The following MYO3B variants were observed in gnomAD, a reference collection of about 807,000 sequenced individuals.
MYO3B encodes the protein myosin-IIIb.
In MYO3B, 156 loss-of-function variants were observed where a neutral mutation model predicts 174.6. The observed-to-expected ratio is 0.89, with a 90% CI of 0.78 to 1.02. MYO3B has a LOEUF of 1.02. Ranked by LOEUF, MYO3B falls within the 50% of genes least tolerant of loss-of-function variation. The pLI is 0.00. For synonymous variants in MYO3B, 563 were observed against 569.1 expected (o/e 0.99, Z 0.15); for missense variants, 1,632 against 1,639.4 (o/e 1.00, Z 0.08).
In MYO3B at chr2:170,498,682, C is replaced by T. The variant is rs1687036220; in HGVS notation, c.3105C>T (p.His1035=). ...TCTTGGAAAAGTCCAGATTAGATCACTGGGTACTGGGAAAAACAAAGGTAG... is the reference window on the plus strand; with the variant it reads ...TCTTGGAAAAGTCCAGATTAGATCATTGGGTACTGGGAAAAACAAAGGTAG... The part of the protein sequence containing the change: ...VAILEKSRLD[H]WVLGKTKVFL... Residue 1035 remains histidine (H), a synonymous_variant, in exon 26 of 35, where the codon CAC becomes CAT. Transcript: ENST00000408978. 6 of 1,610,190 alleles carry T rather than the reference C, an allele frequency of 3.7e-6. No homozygotes were observed. The East Asian group carries it at 1.3e-4, about 36-fold the overall frequency.
chr2:170,211,481 T>C (rs187048102), intron 3 of MYO3B, among the ~76,000 whole-genome samples: 1 of 152,200 alleles, frequency 6.6e-6, no homozygotes, highest in Non-Finnish European at 1.5e-5. Context: ...AAGCCTCACT[T>C]AAGGTTATTA....
In MYO3B at chr2:170,214,371, T is replaced by C. The variant is rs1447344502; in HGVS notation, c.322-8T>C. Reference sequence around the variant, plus strand: ...TGCTCTCCCTGTGTCTGGCACCTCTTCTTGCAGCTGTGTAATGGGGGCTCA... The same window carrying C: ...TGCTCTCCCTGTGTCTGGCACCTCTCCTTGCAGCTGTGTAATGGGGGCTCA... On this transcript the variant is annotated splice_region_variant and splice_polypyrimidine_tract_variant and intron_variant, in intron 3 of 34. Transcript: ENST00000408978. The C allele has an allele frequency of 6.2e-7, 1 of 1,613,108 alleles. No individual in the cohort carries two copies. The highest frequency in any genetic ancestry group is 2.2e-5 in the East Asian group (1 of 44,884).
intron 28 of MYO3B, among the ~76,000 whole-genome samples, chr2:170,502,705 TAG>T (rs374984854): frequency 4.1e-4 from 62 of 152,184 alleles, no homozygotes; most frequent in African/African-American, 1.5e-3. Flanking sequence ...CACAAGAAAT[TAG>T]AGACAGAATG....
intron 5 of MYO3B, among the ~76,000 whole-genome samples, chr2:170,215,724 G>C (rs138923282): frequency 9.6e-4 from 146 of 152,262 alleles, no homozygotes; most frequent in African/African-American, 3.3e-3. Context: ...AAATAGCAGA[G>C]GGAGCATTTT....
chr2:170,640,743 T>G (rs1486795913), intron 32 of MYO3B: 1 of 152,150 alleles, frequency 6.6e-6, no homozygotes, highest in Non-Finnish European at 1.5e-5. Flanking sequence ...ACCCAGAACC[T>G]TCTATAGGAA....
intron 14 of MYO3B, 118 bp from the exon 15 acceptor site, chr2:170,391,402 A>G (rs1257226034): frequency 7.3e-6 from 4 of 551,448 alleles, no homozygotes; most frequent in Non-Finnish European, 1.3e-5. Context: ...ATAATATTTA[A>G]TTGCCTGAAA....
intron 5 of MYO3B, 122 bp downstream of exon 5, chr2:170,214,950 C>A: frequency 3.7e-5 from 25 of 682,866 alleles, no homozygotes; most frequent in South Asian, 5.5e-5. Flanking sequence ...CTTTTCCAGT[C>A]AAACACAAGC....
intron 22 of MYO3B, among the ~76,000 whole-genome samples, chr2:170,422,754 CAGCCACATTTTTTTAATT>C (rs1270682360): frequency 6.6e-6 from 1 of 152,026 alleles, no homozygotes; most frequent in Non-Finnish European, 1.5e-5. Flanking sequence ...CCATACCCAG[CAGCCACATTTTTTTAATT>C]AGCCACATTT....
In MYO3B at chr2:170,200,266, G is replaced by A; in HGVS notation, c.303G>A (p.Gln101=). The change falls in exon 3 of 35, where the codon CAG becomes CAA. Residue 101 remains glutamine (Q), a synonymous_variant. Transcript: ENST00000408978. ...AAGCGGATCACTGTGTAGGGGGACA[G>A]CTGTGGCTGGTCCTGGAGGTAAGAG... ...FYKADHCVGG[Q]LWLVLELCNG... 6.2e-7 allele frequency: 1 copy of A among 1,612,106 alleles called. No individual in the cohort carries two copies. Among genetic ancestry groups the A allele is most frequent in the Non-Finnish European group, 8.5e-7 (1 of 1,179,060 alleles).
In MYO3B at chr2:170,514,949, A is replaced by G. The variant is rs753401956; in HGVS notation, c.3399A>G (p.Pro1133=). 1.2e-6 allele frequency: 2 copies of G among 1,614,018 alleles called. No individual in the cohort carries two copies. Among genetic ancestry groups the G allele is most frequent in the Non-Finnish European group, 1.7e-6 (2 of 1,179,956 alleles). ...ACACTTCAAACCAAAGCAGTGGGCC[A>G]CATTCCCCCGTCGCAGCAGGTACGA... ...AGDTSNQSSG[P]HSPVAAGTRG... Residue 1133 remains proline, a synonymous_variant, in exon 29 of 35, where the codon CCA becomes CCG. Coordinates refer to ENST00000408978, the MANE Select transcript of MYO3B (RefSeq NM_138995.5).
intron 32 of MYO3B, among the ~76,000 whole-genome samples, chr2:170,555,465 T>G (rs1575158676): frequency 6.6e-6 from 1 of 152,196 alleles, no homozygotes; most frequent in East Asian, 1.9e-4. Flanking sequence ...GTTTTTTTAT[T>G]TATTTACTTA....
intron 32 of MYO3B, among the ~76,000 whole-genome samples, chr2:170,551,384 A>ATTTATCTAT (rs1690894682): frequency 6.8e-6 from 1 of 146,170 alleles, no homozygotes; most frequent in Non-Finnish European, 1.5e-5. Flanking sequence ...TTATTTATTT[A>ATTTATCTAT]TTTTTAGGTG....
At chr2:170,636,837 A>T (rs1354153901) in intron 32 of MYO3B, among the ~76,000 whole-genome samples, 2 of 152,036 alleles carry the variant, frequency 1.3e-5, no homozygotes, top group South Asian at 4.2e-4. Context: ...AGGGGTCAAG[A>T]GCTGAGGACC....
intron 3 of MYO3B, among the ~76,000 whole-genome samples, chr2:170,202,694 C>T (rs1426692434): frequency 1.3e-5 from 2 of 152,200 alleles, no homozygotes; most frequent in Non-Finnish European, 2.9e-5. Flanking sequence ...TGACCACACA[C>T]ACAGAGCTGG....
At chr2:170,552,868 TC>T (rs1250227972) in intron 32 of MYO3B, among the ~76,000 whole-genome samples, 1 of 152,142 alleles carries the variant, frequency 6.6e-6, no homozygotes, top group Non-Finnish European at 1.5e-5. Context: ...CTGTGCAGCC[TC>T]AGGACATGGT....
chr2:170,181,726 T>C (rs576178974), intron 1 of MYO3B, among the ~76,000 whole-genome samples: 27 of 152,300 alleles, frequency 1.8e-4, no homozygotes, highest in Admixed American at 5.9e-4. Context: ...TCTGTTAATA[T>C]AAATCTAAGT....
At chr2:170,188,941 G>T (rs2092505388) in intron 1 of MYO3B, among the ~76,000 whole-genome samples, 1 of 152,110 alleles carries the variant, frequency 6.6e-6, no homozygotes, top group Non-Finnish European at 1.5e-5. Context: ...TATTGCCAGT[G>T]AGTTTTGTAC....
intron 32 of MYO3B, among the ~76,000 whole-genome samples, chr2:170,581,046 G>T (rs1341850670): frequency 6.6e-6 from 1 of 152,108 alleles, no homozygotes; most frequent in Non-Finnish European, 1.5e-5. Context: ...TCCCTAGGAA[G>T]GAATTGCTAA....
At chr2:170,385,575 C>G (rs1480169197) in intron 12 of MYO3B, among the ~76,000 whole-genome samples, 1 of 152,046 alleles carries the variant, frequency 6.6e-6, no homozygotes, top group Non-Finnish European at 1.5e-5. Flanking sequence ...ATAAAAATAT[C>G]AACAATACAA....
Sources: allele counts gnomAD v4.1 joint callset (sites outside exome capture counted in the v4.1 genomes callset), GRCh38; gene constraint gnomAD v4.1.1; transcripts MANE v1.5; gene names NCBI Gene and HGNC (gene_info 2026-07-23, HGNC 2026-07-21).